DAAM1: variants seen among roughly 807,000 people sequenced by gnomAD.
DAAM1 encodes the protein disheveled-associated activator of morphogenesis 1.
A neutral mutation model predicts 130.0 loss-of-function variants in DAAM1; 52 were observed. The ratio of observed to expected loss-of-function variants is 0.40; its 90% CI spans 0.32 to 0.50. DAAM1 has a LOEUF of 0.50. Among genes scored for constraint, DAAM1 ranks in the 20% least tolerant of loss-of-function variants. DAAM1 has a pLI of 0.61. For synonymous variants in DAAM1, 452 were observed against 444.5 expected, an observed-to-expected ratio of 1.02 and a Z score of -0.21; for missense variants, 1,134 against 1,303.8, an observed-to-expected ratio of 0.87 and a Z score of 2.01.
intron 2 of DAAM1, among the ~76,000 whole-genome samples, chr14:59,290,481 G>A (rs906852864): frequency 2.6e-5 from 4 of 152,146 alleles, no homozygotes; most frequent in Non-Finnish European, 5.9e-5. Context: ...TAGACCACTT[G>A]GGGTTGTTGT....
At chr14:59,194,487 A>C (rs1011020259) in intron 1 of DAAM1, among the ~76,000 whole-genome samples, 1 of 152,214 alleles carries the variant, frequency 6.6e-6, no homozygotes, top group Non-Finnish European at 1.5e-5. Flanking sequence ...TTATTTGTTA[A>C]GTGAGGTAAC....
intron 2 of DAAM1, among the ~76,000 whole-genome samples, chr14:59,283,698 A>T (rs1883318796): frequency 6.6e-6 from 1 of 152,196 alleles, no homozygotes; most frequent in African/African-American, 2.4e-5. Context: ...GGAGATGAGG[A>T]TATAGAGGCT....
At chr14:59,195,231 C>T (rs952263721) in intron 1 of DAAM1, among the ~76,000 whole-genome samples, 1 of 150,406 alleles carries the variant, frequency 6.6e-6, no homozygotes, top group East Asian at 2.0e-4. Flanking sequence ...GCAAGCTCCG[C>T]CTCCCAGGTT....
intron 1 of DAAM1, among the ~76,000 whole-genome samples, chr14:59,218,928 T>C (rs1240006393): frequency 6.6e-6 from 1 of 152,282 alleles, no homozygotes; most frequent in South Asian, 2.1e-4. Flanking sequence ...ATATGACTGA[T>C]ATGCAAGGGC....
At chr14:59,223,055 T>C (rs757778779) in intron 1 of DAAM1, among the ~76,000 whole-genome samples, 10 of 152,244 alleles carry the variant, frequency 6.6e-5, no homozygotes, top group Non-Finnish European at 1.3e-4. Context: ...ATCTGCAAAC[T>C]AGGCCCAAGT....
At chr14:59,308,706 A>G (rs1884461722) in intron 3 of DAAM1, among the ~76,000 whole-genome samples, 1 of 152,188 alleles carries the variant, frequency 6.6e-6, no homozygotes, top group African/African-American at 2.4e-5. Flanking sequence ...AAACATGCAC[A>G]TGTTTTATTA....
At position 59,242,853 on chromosome 14, in the gene DAAM1, C is replaced by T. The variant is rs528948877; in HGVS notation, c.-37-20588C>T. ...ACAGGTGTGAGCCACCGTGCCCAGC[C>T]GCTGGGTACTATTATTATTTTCATT... is the stretch of plus-strand genomic sequence containing the variant. On this transcript the variant is annotated intron_variant, in intron 1 of 24. Transcript: ENST00000360909. 1.1e-4 allele frequency among the ~76,000 whole-genome samples: 17 copies of T among 152,118 alleles called. 1 individual carries two copies. The South Asian group carries it at 1.5e-3, about 13-fold the overall frequency.
intron 2 of DAAM1, among the ~76,000 whole-genome samples, chr14:59,276,581 T>C (rs1254880352): frequency 3.3e-5 from 5 of 152,208 alleles, no homozygotes; most frequent in Admixed American, 3.3e-4. Flanking sequence ...TGCAGCCTGC[T>C]GGGCTTGTGG....
chr14:59,272,117 T>C (rs1168157493), intron 2 of DAAM1, among the ~76,000 whole-genome samples: 1 of 152,228 alleles, frequency 6.6e-6, no homozygotes, highest in African/African-American at 2.4e-5. Flanking sequence ...TTCAGTTATC[T>C]GGAAGCCAAA....
intron 1 of DAAM1, among the ~76,000 whole-genome samples, chr14:59,259,917 G>A (rs892413732): frequency 1.8e-4 from 28 of 152,100 alleles, no homozygotes; most frequent in African/African-American, 5.6e-4. Context: ...GGTGGCGGGC[G>A]TCTATAGTCC....
intron 3 of DAAM1, among the ~76,000 whole-genome samples, chr14:59,293,324 A>G (rs763174060): frequency 1.3e-5 from 2 of 152,214 alleles, no homozygotes; most frequent in Non-Finnish European, 2.9e-5. Context: ...TAGAAAAGGC[A>G]AACCCTGGAG....
chr14:59,368,601 A>G (rs1887017207), intron 24 of DAAM1, 49 bp from the exon 25 acceptor site: 1 of 1,569,674 alleles, frequency 6.4e-7, no homozygotes, highest in Non-Finnish European at 8.6e-7. Flanking sequence ...TGCAAACAAA[A>G]TGCAACATTT....
At chr14:59,363,831 C>T in intron 23 of DAAM1, 49 bp downstream of exon 23, 1 of 1,605,340 alleles carries the variant, frequency 6.2e-7, no homozygotes, top group Non-Finnish European at 8.5e-7. Flanking sequence ...GGCTGGGCTT[C>T]AGTGTGATAC....
intron 5 of DAAM1, among the ~76,000 whole-genome samples, chr14:59,321,598 A>T (rs147338870): frequency 6.6e-6 from 1 of 152,208 alleles, no homozygotes; most frequent in Non-Finnish European, 1.5e-5. Flanking sequence ...TGAGGTTCTT[A>T]TAAGTACATT....
chr14:59,272,020 G>T (rs938846881), intron 2 of DAAM1, among the ~76,000 whole-genome samples: 1 of 152,098 alleles, frequency 6.6e-6, no homozygotes, highest in Admixed American at 6.5e-5. Flanking sequence ...TTGTTTATTA[G>T]AGTATAAAGG....
chr14:59,261,834 TAAG>T (rs1031232389), intron 1 of DAAM1, among the ~76,000 whole-genome samples: 2 of 152,302 alleles, frequency 1.3e-5, no homozygotes, highest in African/African-American at 4.8e-5. Context: ...TTTTAAAACT[TAAG>T]AACAAAAAAA....
chr14:59,217,422 T>C (rs995762990), intron 1 of DAAM1, among the ~76,000 whole-genome samples: 9 of 152,216 alleles, frequency 5.9e-5, no homozygotes, highest in African/African-American at 2.2e-4. Context: ...GGCTTCTGAT[T>C]ATATCAGTGT....
At chr14:59,358,506 G>T (rs1165507857) in intron 20 of DAAM1, among the ~76,000 whole-genome samples, 1 of 152,200 alleles carries the variant, frequency 6.6e-6, no homozygotes, top group Non-Finnish European at 1.5e-5. Flanking sequence ...GAGAAAGGGG[G>T]CTTTCTAACT....
At chr14:59,326,807 A>T (rs1244500636) in intron 11 of DAAM1, 126 bp from the exon 12 acceptor site, 4 of 1,504,092 alleles carry the variant, frequency 2.7e-6, no homozygotes, top group Non-Finnish European at 3.6e-6. Flanking sequence ...ATCTGGTCTT[A>T]AATGGGTTTC....
Sources: allele counts gnomAD v4.1 joint callset (sites outside exome capture counted in the v4.1 genomes callset), GRCh38; gene constraint gnomAD v4.1.1; transcripts MANE v1.5; gene names NCBI Gene and HGNC (gene_info 2026-07-23, HGNC 2026-07-21).